The following ESYT1 variants were observed in gnomAD, a reference collection of about 807,000 sequenced individuals.
The protein encoded by ESYT1 is extended synaptotagmin-1.
ESYT1 carries 116 observed loss-of-function variants against 154.2 expected under a neutral mutation model. That is an observed-to-expected ratio of 0.75 (90% CI 0.65 to 0.88). The LOEUF (loss-of-function observed/expected upper bound fraction) is 0.88, where lower values mean the gene tolerates loss of function less well. Ranked by LOEUF, ESYT1 falls within the 40% of genes least tolerant of loss-of-function variation. The probability of loss-of-function intolerance (pLI) is 0.00; values close to 1 mark genes in which losing one functional copy is unlikely to be tolerated. For synonymous variants in ESYT1, 500 were observed against 539.9 expected (o/e 0.93, Z 1.02); for missense variants, 1,264 against 1,379.3 (o/e 0.92, Z 1.32).
At chr12:56,136,973 C>A in intron 16 of ESYT1, 80 bp downstream of exon 16, 1 of 1,488,862 alleles carries the variant, frequency 6.7e-7, no homozygotes, top group Non-Finnish European at 9.0e-7. Context: ...AAAGGGACCC[C>A]CCTAAGATTA....
rs370007040 is a variant in ESYT1 at position 56,132,422 on chromosome 12, G to A, written c.986G>A (p.Gly329Asp). Residue 329 changes from glycine (G) to aspartate (D), a missense_variant and splice_region_variant, in exon 9 of 31, where the codon GGC becomes GAC. Gly to Asp is a moderately conservative substitution (Grantham distance 94, BLOSUM62 -1). Transcript: ENST00000394048. ...TCACCATCTGATTCCTTCCTCCAGG[G>A]CATTATTCGAATTCACCTGCTGGCT... ...VAQLRSPLPR[G>D]IIRIHLLAAR... is the part of the protein sequence containing the mutation. 6.2e-6 allele frequency: 10 copies of A among 1,613,960 alleles called. No homozygotes were observed. The highest frequency in any genetic ancestry group is 8.5e-6 in the Non-Finnish European group (10 of 1,180,030).
intron 15 of ESYT1, among the ~76,000 whole-genome samples, chr12:56,136,346 G>A (rs1348109716): frequency 6.6e-6 from 1 of 151,994 alleles, no homozygotes; most frequent in Non-Finnish European, 1.5e-5. Flanking sequence ...ATAAAAGATG[G>A]CTCTGGCCGA....
intron 9 of ESYT1, 35 bp downstream of exon 9, chr12:56,132,632 G>A: frequency 1.2e-6 from 2 of 1,613,982 alleles, no homozygotes; most frequent in South Asian, 1.1e-5. Flanking sequence ...AAATGGGGAA[G>A]CCCCAGGAGG....
At position 56,143,851 on chromosome 12, in the gene ESYT1, GGCA is replaced by G. The variant is rs765036395; in HGVS notation, c.3307_3309del (p.Ser1103del). On this transcript the variant is annotated inframe_deletion, in exon 31 of 31. Coordinates refer to ENST00000394048, the MANE Select transcript of ESYT1 (RefSeq NM_015292.3). ...TGACCTGATGGACAACAAGGACAAG[GGCA>G]GCTCCTAGGAGCTGGCGAGTCCCAG... The G allele has an allele frequency of 1.9e-6, 3 of 1,613,888 alleles. No homozygotes were observed. In the Admixed American group the frequency reaches 5.0e-5, roughly 27 times the overall value.
At chr12:56,136,619 T>G (rs1021868062) in intron 15 of ESYT1, 125 bp from the exon 16 acceptor site, 18 of 593,686 alleles carry the variant, frequency 3.0e-5, no homozygotes, top group Non-Finnish European at 4.0e-5. Context: ...AAGATGGCCC[T>G]GAGTGGAGCA....
Position 56,131,804 on chromosome 12 carries a change from G to T in ESYT1, c.860G>T (p.Ser287Ile). ...MTNLLDIPGL[S>I]SLSDTMIMDS... ...AACCTGCTGGATATCCCAGGACTTA[G>T]GTATCAAGGACTTACTGAGCACCTG... The change falls in exon 7 of 31, where the codon AGC becomes ATC. Residue 287 changes from serine to isoleucine, a missense_variant and splice_region_variant. Transcript: ENST00000394048. 1 of 1,614,132 alleles carries T rather than the reference G, an allele frequency of 6.2e-7. No homozygotes were observed. Among genetic ancestry groups the T allele is most frequent in the Non-Finnish European group, 8.5e-7 (1 of 1,179,998 alleles).
At chr12:56,143,201 G>A (rs970402861) in intron 28 of ESYT1, 27 bp from the exon 29 acceptor site, 1 of 1,614,096 alleles carries the variant, frequency 6.2e-7, no homozygotes, top group Non-Finnish European at 8.5e-7. Flanking sequence ...AAGGACTCCT[G>A]GCCCCTAACA....
chr12:56,135,057 T>C (rs1870394252), intron 15 of ESYT1, among the ~76,000 whole-genome samples: 1 of 151,938 alleles, frequency 6.6e-6, no homozygotes, highest in Admixed American at 6.5e-5. Context: ...ATAATTTACA[T>C]ACCATAGAAT....
At chr12:56,143,784 C>T in intron 30 of ESYT1, 39 bp from the exon 31 acceptor site, 1 of 1,613,914 alleles carries the variant, frequency 6.2e-7, no homozygotes, top group Non-Finnish European at 8.5e-7. Flanking sequence ...AATATGATGA[C>T]ACAAGAGTCA....
rs188400539 is a variant in ESYT1 at position 56,144,452 on chromosome 12, C to T, written c.*590C>T. On this transcript the variant is annotated 3_prime_UTR_variant, in exon 31 of 31. Coordinates refer to ENST00000394048, the MANE Select transcript of ESYT1 (RefSeq NM_015292.3). ...CTCTTGTCACTTTGGAAACTGAGGACGCGTGGATTCTACTCAAGCCTCCAA... is the reference window on the plus strand; with the variant it reads ...CTCTTGTCACTTTGGAAACTGAGGATGCGTGGATTCTACTCAAGCCTCCAA... 334 of 986,988 alleles carry T rather than the reference C, an allele frequency of 3.4e-4. No homozygotes were observed. Among genetic ancestry groups the T allele is most frequent in the Middle Eastern group, 5.2e-4 (1 of 1,916 alleles). 61.1% of individuals were successfully genotyped at this position (986,988 alleles called of 1,614,324 possible).
At chr12:56,139,530 T>C (rs1870604137) in intron 24 of ESYT1, among the ~76,000 whole-genome samples, 1 of 151,654 alleles carries the variant, frequency 6.6e-6, no homozygotes, top group Admixed American at 6.6e-5. Flanking sequence ...AAGGAAGGGT[T>C]CAGGCTGGGG....
chr12:56,142,689 T>G lies in ESYT1; in HGVS notation c.2845T>G (p.Ser949Ala), dbSNP rs1870753987. The change falls in exon 26 of 31, where the codon TCC becomes GCC. Residue 949 changes from serine (S) to alanine (A), a missense_variant. Coordinates refer to ENST00000394048, the MANE Select transcript of ESYT1 (RefSeq NM_015292.3). The surrounding 1 kb of genome is among the most constrained non-coding windows in gnomAD (Gnocchi z 4.1). ...ELSGGPPHIT[S>A]SAPELRQRLT... is the part of the protein sequence containing the mutation. Reference sequence around the variant, plus strand: ...CTCGGGGGGACCCCCTCACATCACCTCCTCAGCCCCAGAGCTCCGGCAGCG... The same window carrying G: ...CTCGGGGGGACCCCCTCACATCACCGCCTCAGCCCCAGAGCTCCGGCAGCG... 1.2e-6 allele frequency: 2 copies of G among 1,613,804 alleles called. No homozygotes were observed.
rs773878091 is a variant in ESYT1, at chr12:56,143,243, C to T, written c.3135C>T (p.Leu1045=). The change falls in exon 29 of 31, where the codon CTC becomes CTT. Residue 1045 remains leucine, a synonymous_variant. Transcript: ENST00000394048. ...CCTACCCCAGGTTTGAGTGGGAACT[C>T]CCCCTGGATGAGGCCCAGAGACGAA... The part of the protein sequence containing the change: ...PEFNERFEWE[L]PLDEAQRRKL... 1 of 1,614,008 alleles carries T rather than the reference C, an allele frequency of 6.2e-7. No homozygotes were observed. Among genetic ancestry groups the T allele is most frequent in the South Asian group, 1.1e-5 (1 of 91,086 alleles).
At position 56,131,577 on chromosome 12, in the gene ESYT1, A is replaced by G. The variant is rs1369647392; in HGVS notation, c.804+11A>G. The G allele has an allele frequency of 6.2e-7, 1 of 1,613,878 alleles. No individual in the cohort carries two copies. Among genetic ancestry groups the G allele is most frequent in the Non-Finnish European group, 8.5e-7 (1 of 1,179,934 alleles). On this transcript the variant is annotated intron_variant, in intron 6 of 30. Coordinates refer to ENST00000394048, the MANE Select transcript of ESYT1 (RefSeq NM_015292.3). ...TTCATCCGACGCCCGGTAAGGGAAA[A>G]CAATGAAGGGGTATGGGGAAGCAGG...
In ESYT1 at chr12:56,134,336, C is replaced by T; in HGVS notation, c.1546-6C>T. ...TACACCCTTAATCCCTCCTCTACAT[C>T]TCCAGGCTGTCTACAGTACCAACTG... On this transcript the variant is annotated splice_polypyrimidine_tract_variant and splice_region_variant and intron_variant, in intron 14 of 30. Coordinates refer to ENST00000394048, the MANE Select transcript of ESYT1 (RefSeq NM_015292.3). The T allele has an allele frequency of 6.2e-7, 1 of 1,613,934 alleles. No individual in the cohort carries two copies. The highest frequency in any genetic ancestry group is 8.5e-7 in the Non-Finnish European group (1 of 1,179,856).
rs995676601 is a variant in ESYT1, at chr12:56,136,908, G to A, written c.1782+15G>A. ...TAGTCATGAGGGTATGGAAATAGAG[G>A]AGGTACTGAGGTGTGGGGGAAAGGC... On this transcript the variant is annotated intron_variant, in intron 16 of 30. Transcript: ENST00000394048. 7 of 1,567,184 alleles carry A rather than the reference G, an allele frequency of 4.5e-6. No individual in the cohort carries two copies. In the African/African-American group the frequency reaches 9.6e-5, roughly 21 times the overall value.
chr12:56,138,403 G>A lies in ESYT1; in HGVS notation c.2338-1G>A, dbSNP rs922356775. On this transcript the variant is annotated splice_acceptor_variant, in intron 21 of 30. Transcript: ENST00000394048. LOFTEE classifies it high-confidence loss of function. ...CCCCAGCCCCGTGTGCCCCTCCACA[G>A]GTGCTGCAGGTGAATAGTTTGATCC... 2.5e-6 allele frequency: 4 copies of A among 1,613,374 alleles called. No individual in the cohort carries two copies. Among genetic ancestry groups the A allele is most frequent in the East Asian group, 2.2e-5 (1 of 44,880 alleles).
At chr12:56,139,437 G>A (rs1209677824) in intron 24 of ESYT1, among the ~76,000 whole-genome samples, 1 of 151,582 alleles carries the variant, frequency 6.6e-6, no homozygotes, top group Non-Finnish European at 1.5e-5. Flanking sequence ...TATCTTTATG[G>A]AGCTCACACT....
At chr12:56,140,478 C>T (rs1317328533) in intron 24 of ESYT1, among the ~76,000 whole-genome samples, 1 of 152,140 alleles carries the variant, frequency 6.6e-6, no homozygotes, top group African/African-American at 2.4e-5. Context: ...ATTCTCCTGC[C>T]TCAGCCTCCC....
Sources: allele counts gnomAD v4.1 joint callset (sites outside exome capture counted in the v4.1 genomes callset), GRCh38; gene constraint gnomAD v4.1.1; non-coding constraint Gnocchi (gnomAD v3.1); transcripts MANE v1.5; gene names NCBI Gene and HGNC (gene_info 2026-07-23, HGNC 2026-07-21).